RGS6: variants seen among roughly 807,000 people sequenced by gnomAD.
RGS6 encodes the protein regulator of G-protein signaling 6.
A neutral mutation model predicts 78.5 loss-of-function variants in RGS6; 30 were observed. That is an observed-to-expected ratio of 0.38 (90% confidence interval 0.29 to 0.52). The LOEUF (loss-of-function observed/expected upper bound fraction) is 0.52. Among genes scored for constraint, RGS6 ranks in the 20% least tolerant of loss-of-function variants. The pLI, the probability that RGS6 is intolerant of heterozygous loss-of-function variation, is 0.85. For synonymous variants in RGS6, 206 were observed against 206.0 expected, an observed-to-expected ratio of 1.00 and a Z score of 0.00; for missense variants, 495 against 609.7, an observed-to-expected ratio of 0.81 and a Z score of 1.98.
intron 2 of RGS6, among the ~76,000 whole-genome samples, chr14:72,134,302 T>G (rs2096391802): frequency 6.6e-6 from 1 of 152,230 alleles, no homozygotes; most frequent in African/African-American, 2.4e-5. Context: ...TGTGGTTAGT[T>G]CATAACTCTC....
At chr14:71,983,521 A>G (rs1304393694) in intron 2 of RGS6, among the ~76,000 whole-genome samples, 6 of 152,214 alleles carry the variant, frequency 3.9e-5, no homozygotes, top group Admixed American at 3.9e-4. Context: ...GGGCAGGGCT[A>G]CGCTCCATTT....
At chr14:72,546,627 G>A (rs2153522132) in intron 17 of RGS6, among the ~76,000 whole-genome samples, 1 of 152,320 alleles carries the variant, frequency 6.6e-6, no homozygotes, top group East Asian at 1.9e-4. Context: ...GGCAATCAGG[G>A]CCCGGTGGAG....
chr14:72,054,473 T>C (rs2093509896), intron 2 of RGS6, among the ~76,000 whole-genome samples: 2 of 152,192 alleles, frequency 1.3e-5, no homozygotes, highest in African/African-American at 4.8e-5. Context: ...TATTTGACTT[T>C]AATTGGAATC....
At chr14:72,502,494 G>A (rs558235635) in intron 13 of RGS6, among the ~76,000 whole-genome samples, 14 of 152,260 alleles carry the variant, frequency 9.2e-5, no homozygotes, top group Admixed American at 9.2e-4. Flanking sequence ...GGCCAGGCGC[G>A]GTGACTTATG....
At chr14:72,006,618 G>A in intron 2 of RGS6, among the ~76,000 whole-genome samples, 1 of 152,278 alleles carries the variant, frequency 6.6e-6, no homozygotes, top group Non-Finnish European at 1.5e-5. Context: ...TTACAGGCCT[G>A]GCCATCAGCT....
rs1293987306 is a variant in RGS6 at position 72,247,231 on chromosome 14, T to C, written c.85-104864T>C. On this transcript the variant is annotated intron_variant, in intron 2 of 17. Coordinates refer to ENST00000553525, the MANE Select transcript of RGS6 (RefSeq NM_001204424.2). ...CTTAGACTTTTTCTAATACTTTTTT[T>C]CCCAAGATAGAATGTAAGCTCCCTG... Among the ~76,000 whole-genome samples the C allele has an allele frequency of 2.6e-5, 4 of 152,196 alleles. No individual in the cohort carries two copies. The East Asian group carries it at 7.7e-4, about 29-fold the overall frequency.
chr14:72,400,882 A>G (rs534389507), intron 3 of RGS6, among the ~76,000 whole-genome samples: 1 of 152,108 alleles, frequency 6.6e-6, no homozygotes, highest in Admixed American at 6.5e-5. Flanking sequence ...TCACAGGGAA[A>G]GGTTCCCAAG....
intron 2 of RGS6, among the ~76,000 whole-genome samples, chr14:72,243,053 C>T (rs847258): frequency 0.99 from 149,985 of 151,918 alleles, 74,047 homozygotes; most frequent in East Asian, 1. Flanking sequence ...GGTTTCACCA[C>T]GTGGGTCAGG....
At chr14:72,568,511 TCTCTGC>T (rs1216996582), downstream of RGS6, among the ~76,000 whole-genome samples, 1 of 152,208 alleles carries the variant, frequency 6.6e-6, no homozygotes, top group Non-Finnish European at 1.5e-5. Context: ...CAGCGGCCTC[TCTCTGC>T]CTCTGACAAG....
chr14:72,145,572 G>C (rs2096596946), intron 2 of RGS6, among the ~76,000 whole-genome samples: 1 of 152,160 alleles, frequency 6.6e-6, no homozygotes, highest in Admixed American at 6.5e-5. Flanking sequence ...TCTACCTCCT[G>C]GGTTCAAGCG....
intron 2 of RGS6, among the ~76,000 whole-genome samples, chr14:72,315,281 T>G (rs1595701782): frequency 6.6e-6 from 1 of 152,302 alleles, no homozygotes; most frequent in East Asian, 1.9e-4. Flanking sequence ...AGTCTGGAAA[T>G]GTAAATATGT....
At chr14:72,482,593 C>T (rs955917851) in intron 12 of RGS6, among the ~76,000 whole-genome samples, 3 of 152,194 alleles carry the variant, frequency 2.0e-5, no homozygotes, top group Non-Finnish European at 2.9e-5. Context: ...GCTGGGCTCT[C>T]TCACATGTTT....
intron 2 of RGS6, among the ~76,000 whole-genome samples, chr14:72,213,468 C>G (rs1464430444): frequency 3.9e-5 from 6 of 152,182 alleles, no homozygotes; most frequent in Admixed American, 2.6e-4. Context: ...CGTTTACCCC[C>G]CTGTGATCAA....
At chr14:72,609,845 C>T in the RGS6 span, among the ~76,000 whole-genome samples, 2 of 152,208 alleles carry the variant, frequency 1.3e-5, no homozygotes, top group Admixed American at 1.3e-4. Flanking sequence ...TTTCTGTAAC[C>T]TCATGAAAGC....
At chr14:72,122,428 T>C (rs1354692946) in intron 2 of RGS6, among the ~76,000 whole-genome samples, 1 of 152,332 alleles carries the variant, frequency 6.6e-6, no homozygotes, top group East Asian at 1.9e-4. Context: ...TGAGGTTATA[T>C]TAAGTTTACT....
the RGS6 span, among the ~76,000 whole-genome samples, chr14:72,585,793 G>T: frequency 6.6e-6 from 1 of 152,142 alleles, no homozygotes; most frequent in African/African-American, 2.4e-5. Context: ...ATCCCATGAG[G>T]GATGAGTGCT....
intron 12 of RGS6, among the ~76,000 whole-genome samples, chr14:72,494,356 A>G (rs1028153797): frequency 6.6e-6 from 1 of 152,186 alleles, no homozygotes; most frequent in South Asian, 2.1e-4. Flanking sequence ...ATAGAAAGAT[A>G]AATTCTTGTC....
At chr14:71,903,410 A>G in the RGS6 span, among the ~76,000 whole-genome samples, 5 of 152,186 alleles carry the variant, frequency 3.3e-5, no homozygotes, top group African/African-American at 1.2e-4. Context: ...CCACATTTTG[A>G]AAGGTTGGGT....
chr14:72,230,263 G>A (rs2049217504), intron 2 of RGS6, among the ~76,000 whole-genome samples: 1 of 152,200 alleles, frequency 6.6e-6, no homozygotes, highest in South Asian at 2.1e-4. Context: ...TCTCTTGGGA[G>A]TTATGGTCAG....
Sources: gnomAD v4.1 joint callset for allele counts (sites outside exome capture counted in the v4.1 genomes callset) on GRCh38, gnomAD v4.1.1 for gene constraint, MANE v1.5 for transcripts, NCBI Gene and HGNC (gene_info 2026-07-23, HGNC 2026-07-21) for gene names.